The following RORA variants were observed in gnomAD, a reference collection of about 807,000 sequenced individuals.
RORA encodes the protein RAR related orphan receptor A, also known as nuclear receptor ROR-alpha.
Under a neutral mutation model 69.5 loss-of-function variants are expected in RORA, and 7 were observed. That is an observed-to-expected ratio of 0.10 (90% confidence interval 0.06 to 0.19). The LOEUF (loss-of-function observed/expected upper bound fraction) is 0.19, where lower values mean the gene tolerates loss of function less well. Among genes scored for constraint, RORA ranks in the 10% least tolerant of loss-of-function variants. The probability of loss-of-function intolerance (pLI) is 1.00; values close to 1 mark genes in which losing one functional copy is unlikely to be tolerated. For synonymous variants in RORA, 261 were observed against 240.8 expected, an observed-to-expected ratio of 1.08 and a Z score of -0.78; for missense variants, 457 against 663.0, an observed-to-expected ratio of 0.69 and a Z score of 3.41.
Position 60,557,949 on chromosome 15 carries a change from G to A in RORA, c.197-26098C>T, listed in dbSNP as rs150698076. ...TTTTCTCTGTAGAGAATTTTGAATC[G>A]AATTTACTTTCTTGATGATAAACAG... On this transcript the variant is annotated intron_variant, in intron 2 of 10. Transcript: ENST00000335670. 1.1e-3 allele frequency: 292 copies of A among 260,284 alleles called. 1 individual carries two copies. Among genetic ancestry groups the A allele is most frequent in the African/African-American group, 5.2e-3 (238 of 45,372 alleles). The allele number at this position is 260,284 out of a possible 1,614,324, so 16.1% of individuals were successfully genotyped here. A position where few individuals can be genotyped will look rare whatever the true frequency, so the allele number is the denominator to read the frequency against.
intron 1 of RORA, among the ~76,000 whole-genome samples, chr15:60,864,973 G>T (rs911866190): frequency 6.6e-6 from 1 of 152,132 alleles, no homozygotes; most frequent in Non-Finnish European, 1.5e-5. Flanking sequence ...CTTCCTTTGG[G>T]GAACAGTAGT....
intron 1 of RORA, among the ~76,000 whole-genome samples, chr15:61,135,868 C>A (rs1286813388): frequency 6.6e-6 from 1 of 152,196 alleles, no homozygotes; most frequent in East Asian, 1.9e-4. Flanking sequence ...ACCCAACTAG[C>A]CAACTTGCTG....
chr15:60,563,537 G>A (rs1191841696), intron 2 of RORA, among the ~76,000 whole-genome samples: 1 of 152,210 alleles, frequency 6.6e-6, no homozygotes. Context: ...ATTCTGCCAC[G>A]GATGTGGTCA....
intron 1 of RORA, among the ~76,000 whole-genome samples, chr15:61,008,851 T>C (rs930636821): frequency 6.6e-6 from 1 of 152,192 alleles, no homozygotes; most frequent in African/African-American, 2.4e-5. Context: ...GGAACAGGCA[T>C]ACTGCTTTTC....
intron 1 of RORA, among the ~76,000 whole-genome samples, chr15:61,100,880 T>C (rs576085380): frequency 1.2e-4 from 18 of 152,338 alleles, no homozygotes; most frequent in Non-Finnish European, 1.9e-4. Flanking sequence ...TTCAGAAAAT[T>C]ATACTACCTG....
chr15:60,957,118 A>G (rs1786696153), intron 1 of RORA, among the ~76,000 whole-genome samples: 1 of 152,254 alleles, frequency 6.6e-6, no homozygotes, highest in South Asian at 2.1e-4. Flanking sequence ...ACTGTGCTAA[A>G]CAGTGGTGAT....
chr15:60,652,110 CT>C lies in RORA; in HGVS notation c.196+26546del, dbSNP rs796682420. On this transcript the variant is annotated intron_variant, in intron 2 of 10. Transcript: ENST00000335670. ...TCCTCTGTGCTAGGTAGCAGACTGC[CT>C]TTTTTTTTTTTTCCTCTAGAGTGAA... is the stretch of plus-strand genomic sequence containing the variant. Among the ~76,000 whole-genome samples, 885 of 144,514 alleles carry C rather than the reference CT, an allele frequency of 6.1e-3. 2 individuals are homozygous for C. Among genetic ancestry groups the C allele is most frequent in the African/African-American group, 0.016 (637 of 39,718 alleles). 94.8% of individuals were successfully genotyped at this position (144,514 alleles called of 152,430 possible). A position where few individuals can be genotyped will look rare whatever the true frequency, so the allele number is the denominator to read the frequency against.
At chr15:60,688,895 T>C (rs139870888) in intron 1 of RORA, among the ~76,000 whole-genome samples, 2 of 152,272 alleles carry the variant, frequency 1.3e-5, no homozygotes, top group Non-Finnish European at 2.9e-5. Flanking sequence ...TGTCAACACA[T>C]ACCAGCAACC....
At chr15:61,221,583 A>T (rs140157004) in intron 1 of RORA, among the ~76,000 whole-genome samples, 581 of 152,282 alleles carry the variant, frequency 3.8e-3, no homozygotes, top group African/African-American at 0.014. Flanking sequence ...CAAGTTTCAG[A>T]CTGTCATTTA....
chr15:60,592,470 C>T (rs1022212450), intron 2 of RORA: 6 of 1,369,384 alleles, frequency 4.4e-6, no homozygotes, highest in Admixed American at 6.8e-5. Flanking sequence ...ACCCCGGAGC[C>T]CCCTCTGCCG....
At chr15:60,862,274 G>C (rs754858056) in intron 1 of RORA, among the ~76,000 whole-genome samples, 61 of 152,298 alleles carry the variant, frequency 4.0e-4, no homozygotes, top group Middle Eastern at 6.8e-3. Context: ...GCCTGCAAAG[G>C]TCAGGACAAG....
rs150555616 is a variant in RORA at position 61,209,818 on chromosome 15, T to C, written c.166+19235A>G. ...GGGGTTATTCATGTGCATTAAAGTA[T>C]GTGAGAAAATATTTAGCCTCCCTAA... On this transcript the variant is annotated intron_variant, in intron 1 of 10. Transcript: ENST00000335670. 7.9e-3 allele frequency among the ~76,000 whole-genome samples: 1,203 copies of C among 152,358 alleles called. 13 individuals are homozygous for C. Among genetic ancestry groups the C allele is most frequent in the Admixed American group, 9.5e-3 (145 of 15,304 alleles).
intron 1 of RORA, among the ~76,000 whole-genome samples, chr15:60,716,261 T>C (rs983474539): frequency 1.4e-4 from 22 of 152,210 alleles, no homozygotes; most frequent in Non-Finnish European, 2.6e-4. Context: ...GCCAATTTTA[T>C]GGCTAGGATG....
chr15:60,929,716 G>A (rs1267363592), intron 1 of RORA, among the ~76,000 whole-genome samples: 3 of 152,138 alleles, frequency 2.0e-5, no homozygotes, highest in African/African-American at 7.2e-5. Flanking sequence ...TTCCCGCTTC[G>A]CTCTTCAACT....
intron 1 of RORA, among the ~76,000 whole-genome samples, chr15:60,822,810 G>C (rs571132938): frequency 1.3e-5 from 2 of 152,116 alleles, no homozygotes; most frequent in African/African-American, 4.8e-5. Context: ...TCAGTATTTC[G>C]TTTAAAGGCA....
At chr15:61,043,648 C>A (rs558779237) in intron 1 of RORA, among the ~76,000 whole-genome samples, 10 of 152,242 alleles carry the variant, frequency 6.6e-5, no homozygotes, top group South Asian at 2.1e-4. Flanking sequence ...TTCCCTCCCA[C>A]GGCAGGTACA....
intron 2 of RORA, among the ~76,000 whole-genome samples, chr15:60,600,264 G>A (rs1454078053): frequency 2.0e-5 from 3 of 152,188 alleles, no homozygotes; most frequent in African/African-American, 4.8e-5. Flanking sequence ...TCCAAATCTC[G>A]CAGCTAGGAG....
intron 1 of RORA, among the ~76,000 whole-genome samples, chr15:60,863,361 C>T (rs1490979615): frequency 2.0e-5 from 3 of 152,162 alleles, no homozygotes; most frequent in Non-Finnish European, 2.9e-5. Context: ...AATTCATTCC[C>T]GAAGACATAG....
At chr15:60,557,710 G>A (rs1332880780) in intron 2 of RORA, among the ~76,000 whole-genome samples, 4 of 152,150 alleles carry the variant, frequency 2.6e-5, no homozygotes, top group African/African-American at 9.7e-5. Context: ...ATATAATGAA[G>A]TAAACCCGAA....
Sources: allele counts gnomAD v4.1 joint callset (sites outside exome capture counted in the v4.1 genomes callset), GRCh38; gene constraint gnomAD v4.1.1; transcripts MANE v1.5; gene names NCBI Gene and HGNC (gene_info 2026-07-23, HGNC 2026-07-21).